The following KALRN variants were observed in gnomAD, a reference collection of about 807,000 sequenced individuals.
The protein encoded by KALRN is kalirin RhoGEF kinase.
KALRN carries 70 observed loss-of-function variants against 353.7 expected under a neutral mutation model. That is an observed-to-expected ratio of 0.20 (90% CI 0.16 to 0.24). KALRN has a LOEUF of 0.24. Among genes scored for constraint, KALRN ranks in the 10% least tolerant of loss-of-function variants. The pLI is 1.00. For synonymous variants in KALRN, 1,391 were observed against 1,434.8 expected, an observed-to-expected ratio of 0.97 and a Z score of 0.69; for missense variants, 2,791 against 3,756.7, an observed-to-expected ratio of 0.74 and a Z score of 6.72.
intron 1 of KALRN, among the ~76,000 whole-genome samples, chr3:124,045,788 G>A (rs912441643): frequency 6.6e-6 from 1 of 151,474 alleles, no homozygotes. Context: ...ACAGGTGATT[G>A]CAGTGTAGTA....
chr3:124,080,003 C>T, intron 1 of KALRN: 1 of 470,794 alleles, frequency 2.1e-6, no homozygotes, highest in East Asian at 6.9e-5. Flanking sequence ...TCAGAATCCC[C>T]ATAGCATTTC....
intron 15 of KALRN, among the ~76,000 whole-genome samples, chr3:124,429,762 T>C (rs2093188771): frequency 6.6e-6 from 1 of 152,226 alleles, no homozygotes; most frequent in Non-Finnish European, 1.5e-5. Context: ...CACATAGAAG[T>C]TGTATTCAGC....
At chr3:124,209,530 T>A (rs956588439) in intron 1 of KALRN, among the ~76,000 whole-genome samples, 13 of 147,034 alleles carry the variant, frequency 8.8e-5, no homozygotes, top group Non-Finnish European at 1.3e-4. Context: ...CATGTCTAAC[T>A]GTTGTGTCCA....
intron 34 of KALRN, among the ~76,000 whole-genome samples, chr3:124,567,165 G>T (rs1028613651): frequency 6.6e-6 from 1 of 152,184 alleles, no homozygotes; most frequent in Non-Finnish European, 1.5e-5. Context: ...TCTGGATGGG[G>T]CCTGAGGGTC....
intron 5 of KALRN, among the ~76,000 whole-genome samples, chr3:124,270,819 G>GTTTTTTTTTTTTTTTTTTT (rs1553885259): frequency 1.5e-5 from 1 of 68,024 alleles, no homozygotes; most frequent in Admixed American, 1.6e-4. Context: ...TTATTTTTTT[G>GTTTTTTTTTTTTTTTTTTT]TTTTGTTTTT....
At chr3:124,276,260 T>G (rs2074711218) in intron 5 of KALRN, among the ~76,000 whole-genome samples, 1 of 152,184 alleles carries the variant, frequency 6.6e-6, no homozygotes, top group Non-Finnish European at 1.5e-5. Flanking sequence ...AGCAGACCAC[T>G]GTGCTAAGGG....
chr3:124,493,969 C>A (rs1278653886), intron 32 of KALRN, among the ~76,000 whole-genome samples: 1 of 152,188 alleles, frequency 6.6e-6, no homozygotes, highest in African/African-American at 2.4e-5. Flanking sequence ...GGAGACAGGC[C>A]ATGCCTCAGG....
intron 49 of KALRN, among the ~76,000 whole-genome samples, chr3:124,676,331 G>T (rs1370337839): frequency 6.6e-6 from 1 of 152,122 alleles, no homozygotes; most frequent in South Asian, 2.1e-4. Flanking sequence ...GACTGAAAAA[G>T]GTTGTCAGCA....
At chr3:124,718,017 G>A (rs546374082) in intron 59 of KALRN, among the ~76,000 whole-genome samples, 15 of 151,034 alleles carry the variant, frequency 9.9e-5, no homozygotes, top group South Asian at 4.2e-4. Context: ...TCATCATGTT[G>A]GCCAGGCTGG....
At chr3:124,329,076 G>A (rs1005716773) in intron 7 of KALRN, among the ~76,000 whole-genome samples, 2 of 152,184 alleles carry the variant, frequency 1.3e-5, no homozygotes, top group Admixed American at 1.3e-4. Flanking sequence ...AGACTGTTGG[G>A]TGAATTATTT....
chr3:124,197,370 C>T (rs1049585162), intron 1 of KALRN, among the ~76,000 whole-genome samples: 1 of 152,200 alleles, frequency 6.6e-6, no homozygotes, highest in Non-Finnish European at 1.5e-5. Flanking sequence ...TGCTTCTGGC[C>T]TCTGGAAGCA....
intron 33 of KALRN, 126 bp from the exon 34 acceptor site, chr3:124,562,717 C>T: frequency 1.2e-6 from 1 of 847,682 alleles, no homozygotes; most frequent in African/African-American, 1.8e-5. Flanking sequence ...CTCTTTATTC[C>T]CCTTCTCTTC....
At chr3:124,138,624 T>G (rs1189295260) in intron 1 of KALRN, among the ~76,000 whole-genome samples, 1 of 152,154 alleles carries the variant, frequency 6.6e-6, no homozygotes, top group Non-Finnish European at 1.5e-5. Context: ...TCTCCCATAT[T>G]CTCTCCCTCC....
chr3:124,096,895 A>G (rs2061486542), intron 1 of KALRN, among the ~76,000 whole-genome samples: 2 of 152,240 alleles, frequency 1.3e-5, no homozygotes, highest in Admixed American at 1.3e-4. Context: ...TTGGATAGCA[A>G]AAGCTGGTTG....
chr3:124,617,178 A>T lies in KALRN; in HGVS notation c.5183-15242A>T, dbSNP rs181784709. Among the ~76,000 whole-genome samples, 665 of 152,110 alleles carry T rather than the reference A, an allele frequency of 4.4e-3. 3 individuals are homozygous for T. The highest frequency in any genetic ancestry group is 0.015 in the African/African-American group (626 of 41,524). ...GAAACCCTGTCTCTACAAAAAATTT[A>T]AAAAAATTAGCTGGGCATGGTGGCA... On this transcript the variant is annotated intron_variant, in intron 34 of 59. Coordinates refer to ENST00000682506, the MANE Select transcript of KALRN (RefSeq NM_001388419.1).
At chr3:124,654,343 C>G (rs986924245) in intron 38 of KALRN, among the ~76,000 whole-genome samples, 1 of 152,188 alleles carries the variant, frequency 6.6e-6, no homozygotes, top group Non-Finnish European at 1.5e-5. Context: ...GCCCCAGGCT[C>G]CAGGAATGTG....
At position 124,632,620 on chromosome 3, in the gene KALRN, G is replaced by T; in HGVS notation, c.5383G>T (p.Val1795Phe). The T allele has an allele frequency of 1.9e-6, 3 of 1,614,172 alleles. No individual in the cohort carries two copies. The highest frequency in any genetic ancestry group is 2.5e-6 in the Non-Finnish European group (3 of 1,180,038). ...ADGNIKKQKK[V>F]RDGRKSFDLG... ...TGGAAACATCAAAAAGCAGAAGAAA[G>T]TTCGCGATGGTCGGAAGAGCTTTGA... Residue 1795 changes from valine to phenylalanine, a missense_variant, in exon 35 of 60, where the codon GTT (valine) becomes TTT (phenylalanine). Coordinates refer to ENST00000682506, the MANE Select transcript of KALRN (RefSeq NM_001388419.1).
intron 6 of KALRN, among the ~76,000 whole-genome samples, chr3:124,300,104 G>A (rs777567632): frequency 4.6e-5 from 7 of 152,164 alleles, no homozygotes; most frequent in Non-Finnish European, 1.0e-4. Context: ...GAATTTCATT[G>A]TCTACCAGGC....
chr3:124,366,199 C>CT (rs201723915), intron 10 of KALRN, among the ~76,000 whole-genome samples: 4,475 of 147,348 alleles, frequency 0.03, 120 homozygotes, highest in East Asian at 0.13. Context: ...TATTGTATTT[C>CT]TTTTTTTTTT....
Sources: gnomAD v4.1 joint callset for allele counts (sites outside exome capture counted in the v4.1 genomes callset) on GRCh38, gnomAD v4.1.1 for gene constraint, MANE v1.5 for transcripts, NCBI Gene and HGNC (gene_info 2026-07-23, HGNC 2026-07-21) for gene names.